Variants in CCR5AS observed in about 807,000 individuals in gnomAD.
CCR5AS encodes the protein CCR5 antisense RNA.
intron 1 of CCR5AS, among the ~76,000 whole-genome samples, chr3:46,403,822 C>T (rs572058801): frequency 2.4e-4 from 37 of 152,350 alleles, no homozygotes; most frequent in African/African-American, 7.7e-4. Flanking sequence ...CAGGAAGCCA[C>T]TGTCGTGGTG....
At chr3:46,373,182 T>C (rs754530124) in intron 2 of CCR5AS, 3 of 1,614,140 alleles carry the variant, frequency 1.9e-6, no homozygotes, top group Non-Finnish European at 2.5e-6. Flanking sequence ...TGCCGCCCAG[T>C]GGGACTTTGG....
At chr3:46,370,962 C>T (rs1701653115) in intron 3 of CCR5AS, 1 of 152,186 alleles carries the variant, frequency 6.6e-6, no homozygotes, top group Non-Finnish European at 1.5e-5. Context: ...GCTGAGACAT[C>T]CGTTCCCCTA....
intron 2 of CCR5AS, chr3:46,372,988 C>T (rs1701685601): frequency 6.2e-7 from 1 of 1,613,818 alleles, no homozygotes; most frequent in Non-Finnish European, 8.5e-7. Context: ...AAGCAAATCG[C>T]AGCCCGCCTC....
At chr3:46,384,900 G>C (rs549212687) in intron 2 of CCR5AS, among the ~76,000 whole-genome samples, 4 of 151,712 alleles carry the variant, frequency 2.6e-5, no homozygotes, top group Admixed American at 2.0e-4. Flanking sequence ...TAGATAGATA[G>C]ATAGATAGAT....
At chr3:46,391,305 G>A (rs1466023520) in intron 2 of CCR5AS, among the ~76,000 whole-genome samples, 2 of 152,150 alleles carry the variant, frequency 1.3e-5, no homozygotes, top group Middle Eastern at 3.2e-3. Context: ...TTACAGCGGA[G>A]GCAAGTAATT....
chr3:46,395,659 A>G (rs1312474346), intron 1 of CCR5AS, among the ~76,000 whole-genome samples: 1 of 152,194 alleles, frequency 6.6e-6, no homozygotes. Flanking sequence ...GCAAAGGAAT[A>G]CAAAGTAATG....
chr3:46,383,727 C>T (rs1352842110), intron 2 of CCR5AS, among the ~76,000 whole-genome samples: 3 of 152,110 alleles, frequency 2.0e-5, no homozygotes, highest in African/African-American at 7.2e-5. Flanking sequence ...CAAGCAGAAA[C>T]AGAAACAAAA....
At chr3:46,386,600 G>A (rs531244193) in intron 2 of CCR5AS, among the ~76,000 whole-genome samples, 1 of 121,086 alleles carries the variant, frequency 8.3e-6, no homozygotes, top group African/African-American at 2.8e-5. Context: ...AGGTGGGACA[G>A]GGGGAAAGGA....
chr3:46,384,087 A>C (rs149737987), intron 2 of CCR5AS, among the ~76,000 whole-genome samples: 1 of 152,248 alleles, frequency 6.6e-6, no homozygotes, highest in Non-Finnish European at 1.5e-5. Context: ...AGAAAAAAGA[A>C]TAGCTCTCTT....
At chr3:46,398,745 C>T (rs1701982046) in intron 1 of CCR5AS, among the ~76,000 whole-genome samples, 1 of 151,776 alleles carries the variant, frequency 6.6e-6, no homozygotes, top group African/African-American at 2.4e-5. Context: ...TTTTTCAAGT[C>T]AAACTGAAGA....
chr3:46,384,289 G>C (rs936690564), intron 2 of CCR5AS, among the ~76,000 whole-genome samples: 2 of 152,188 alleles, frequency 1.3e-5, no homozygotes, highest in South Asian at 4.1e-4. Context: ...TTACGCAGAC[G>C]GGGTCTATAC....
chr3:46,391,018 T>TG (rs1701907124), intron 2 of CCR5AS, among the ~76,000 whole-genome samples: 1 of 152,206 alleles, frequency 6.6e-6, no homozygotes, highest in African/African-American at 2.4e-5. Flanking sequence ...GATCAGGCAG[T>TG]GTCAGTCTTC....
At chr3:46,367,998 G>A (rs911135993) in intron 3 of CCR5AS, among the ~76,000 whole-genome samples, 2 of 152,204 alleles carry the variant, frequency 1.3e-5, no homozygotes, top group African/African-American at 4.8e-5. Context: ...GTATGGCAGG[G>A]TTTCTGCTCA....
intron 1 of CCR5AS, among the ~76,000 whole-genome samples, chr3:46,400,113 C>G (rs1701994383): frequency 6.6e-6 from 1 of 152,132 alleles, no homozygotes; most frequent in African/African-American, 2.4e-5. Context: ...CCCACCCCAG[C>G]CTCCCGGGCC....
intron 3 of CCR5AS, among the ~76,000 whole-genome samples, chr3:46,366,811 G>C (rs931340380): frequency 2.6e-5 from 4 of 152,192 alleles, no homozygotes; most frequent in Non-Finnish European, 4.4e-5. Flanking sequence ...GCACTGGATG[G>C]GGGTAGATTC....
chr3:46,401,480 A>G (rs1417008043), intron 1 of CCR5AS, among the ~76,000 whole-genome samples: 1 of 152,264 alleles, frequency 6.6e-6, no homozygotes, highest in African/African-American at 2.4e-5. Context: ...GATCACAAGC[A>G]GGTCTGACTC....
At chr3:46,397,877 A>C (rs753689922) in intron 1 of CCR5AS, among the ~76,000 whole-genome samples, 11 of 152,222 alleles carry the variant, frequency 7.2e-5, no homozygotes, top group Non-Finnish European at 1.3e-4. Context: ...AACGCTACTC[A>C]ATGGAAAGAG....
intron 1 of CCR5AS, among the ~76,000 whole-genome samples, chr3:46,393,585 ATTAT>A (rs1279162692): frequency 6.6e-6 from 1 of 152,200 alleles, no homozygotes; most frequent in East Asian, 1.9e-4. Flanking sequence ...TGCACTGAAA[ATTAT>A]TCATTCATTC....
chr3:46,400,338 G>A (rs1701996278), intron 1 of CCR5AS, among the ~76,000 whole-genome samples: 1 of 152,162 alleles, frequency 6.6e-6, no homozygotes, highest in Non-Finnish European at 1.5e-5. Flanking sequence ...AAAAAATGTA[G>A]AGGATAATTT....
Sources: allele counts gnomAD v4.1 joint callset (sites outside exome capture counted in the v4.1 genomes callset), GRCh38; gene constraint gnomAD v4.1.1; transcripts MANE v1.5; gene names NCBI Gene and HGNC (gene_info 2026-07-23, HGNC 2026-07-21).